TRIM65: variants seen among roughly 807,000 people sequenced by gnomAD.
The protein encoded by TRIM65 is E3 ubiquitin-protein ligase TRIM65.
Under a neutral mutation model 36.1 loss-of-function variants are expected in TRIM65, and 46 were observed. The observed-to-expected ratio is 1.27, with a 90% CI of 1.01 to 1.63. The LOEUF (loss-of-function observed/expected upper bound fraction) is 1.63. TRIM65 is among the 40% of genes most tolerant of loss of function. The pLI is 0.00. For synonymous variants in TRIM65, 346 were observed against 313.6 expected, an observed-to-expected ratio of 1.10 and a Z score of -1.09; for missense variants, 708 against 696.6, an observed-to-expected ratio of 1.02 and a Z score of -0.18.
At chr17:75,880,603 C>T (rs890474542) in exon 5 of TRIM65, 2 of 150,650 alleles carry the variant, frequency 1.3e-5, no homozygotes, top group African/African-American at 2.5e-5. Flanking sequence ...GATCCGAATA[C>T]GTCTTTTTCA....
chr17:75,883,494 C>A (rs1261443388), intron 4 of TRIM65, among the ~76,000 whole-genome samples: 2 of 148,038 alleles, frequency 1.4e-5, no homozygotes, highest in East Asian at 4.0e-4. Context: ...CTGTTTGTTT[C>A]ATTGTCTTTT....
chr17:75,885,703 G>A (rs1181512834), downstream of TRIM65, among the ~76,000 whole-genome samples: 1 of 152,174 alleles, frequency 6.6e-6, no homozygotes, highest in Non-Finnish European at 1.5e-5. Context: ...CCTGAGGATG[G>A]AGGCTGACGT....
Position 75,889,351 on chromosome 17 carries a change from G to C in TRIM65, c.*1428C>G, listed in dbSNP as rs950408733. ...TTACAAGCGTGAGCCACTGCGCCTG[G>C]CCAAAAGCAGACACCCTTGGAACCA... On this transcript the variant is annotated 3_prime_UTR_variant, in exon 6 of 6. Coordinates refer to ENST00000269383, the MANE Select transcript of TRIM65 (RefSeq NM_173547.4). The C allele has an allele frequency of 1.3e-5, 2 of 152,140 alleles. No individual in the cohort carries two copies. The highest frequency in any genetic ancestry group is 4.8e-5 in the African/African-American group (2 of 41,408). The allele number at this position is 152,140 out of a possible 1,614,324, so 9.4% of individuals were successfully genotyped here. A position where few individuals can be genotyped will look rare whatever the true frequency, so the allele number is the denominator to read the frequency against.
chr17:75,893,868 C>T (rs1335461094), intron 1 of TRIM65, among the ~76,000 whole-genome samples: 1 of 152,084 alleles, frequency 6.6e-6, no homozygotes, highest in Non-Finnish European at 1.5e-5. Context: ...CTGTCGCTCC[C>T]TTCCTCCACA....
At chr17:75,885,013 T>C (rs1436774085), downstream of TRIM65, among the ~76,000 whole-genome samples, 1 of 150,590 alleles carries the variant, frequency 6.6e-6, no homozygotes, top group Non-Finnish European at 1.5e-5. Flanking sequence ...CTTGGCTCAC[T>C]GCAACCTCTG....
rs1330540946 is a variant in TRIM65 at position 75,896,718 on chromosome 17, G to T, written c.220C>A (p.Arg74Ser). 7.1e-7 allele frequency: 1 copy of T among 1,402,398 alleles called. No individual in the cohort carries two copies. The highest frequency in any genetic ancestry group is 9.3e-7 in the Non-Finnish European group (1 of 1,079,218). The allele number at this position is 1,402,398 out of a possible 1,614,324, so 86.9% of individuals were successfully genotyped here. ...VALSGVLEVVRAGPARDPGPD... is the reference protein window; with the variant it reads ...VALSGVLEVVSAGPARDPGPD... ...CCGGGATCCCGGGCGGGCCCGGCGCGCACCACCTCCAGCACGCCGCTGAGG... is the reference window on the plus strand; with the variant it reads ...CCGGGATCCCGGGCGGGCCCGGCGCTCACCACCTCCAGCACGCCGCTGAGG... Residue 74 changes from arginine to serine, a missense_variant, in exon 1 of 6, where the codon CGC becomes AGC. Arg to Ser is a moderately radical substitution (Grantham distance 110). Transcript: ENST00000269383.
At chr17:75,883,012 G>A (rs754424763) in intron 4 of TRIM65, among the ~76,000 whole-genome samples, 6 of 148,530 alleles carry the variant, frequency 4.0e-5, no homozygotes, top group East Asian at 1.9e-4. Flanking sequence ...AAAGCAATCC[G>A]GTGATGACAG....
In TRIM65 at chr17:75,896,639, C is replaced by A; in HGVS notation, c.299G>T (p.Arg100Leu). Reference protein sequence around the residue: ...DPAARCPRHGRPLELFCRTEG... With the variant: ...DPAARCPRHGLPLELFCRTEG... ...GGTCCGGCAGAAGAGCTCCAGCGGCCGCCCGTGGCGGGGGCAGCGCGCGGC... is the reference window on the plus strand; with the variant it reads ...GGTCCGGCAGAAGAGCTCCAGCGGCAGCCCGTGGCGGGGGCAGCGCGCGGC... Residue 100 changes from arginine (R) to leucine (L), a missense_variant, in exon 1 of 6, where the codon CGG becomes CTG. Transcript: ENST00000269383. 8.0e-7 allele frequency: 1 copy of A among 1,242,416 alleles called. No homozygotes were observed. The highest frequency in any genetic ancestry group is 1.0e-6 in the Non-Finnish European group (1 of 997,080). The allele number at this position is 1,242,416 out of a possible 1,614,324, so 77.0% of individuals were successfully genotyped here.
intron 4 of TRIM65, among the ~76,000 whole-genome samples, chr17:75,880,788 AC>A (rs925221496): frequency 4.1e-5 from 6 of 147,906 alleles, no homozygotes; most frequent in African/African-American, 1.6e-4. Flanking sequence ...CCACACCCAA[AC>A]CCTTGTCCAC....
intron 4 of TRIM65, 25 bp downstream of exon 4, chr17:75,891,986 G>C (rs1156678116): frequency 6.4e-7 from 1 of 1,552,562 alleles, no homozygotes; most frequent in Non-Finnish European, 8.7e-7. Flanking sequence ...CAGGACAGCA[G>C]GGGGAGGCCT....
Position 75,896,692 on chromosome 17 carries a change from G to A in TRIM65, c.246C>T (p.Gly82=). 1.5e-6 allele frequency: 2 copies of A among 1,321,260 alleles called. No homozygotes were observed. Among genetic ancestry groups the A allele is most frequent in the Non-Finnish European group, 1.9e-6 (2 of 1,039,918 alleles). 81.8% of individuals were successfully genotyped at this position (1,321,260 alleles called of 1,614,324 possible). ...GGTCGGGGCCGGGGCCGGGATCGGG[G>A]CCGGGATCCCGGGCGGGCCCGGCGC... ...VVRAGPARDP[G]PDPGPGPDPA... The change falls in exon 1 of 6, where the codon GGC becomes GGT. Residue 82 remains glycine, a synonymous_variant. Coordinates refer to ENST00000269383, the MANE Select transcript of TRIM65 (RefSeq NM_173547.4).
At position 75,891,803 on chromosome 17, in the gene TRIM65, GCCT is replaced by G; in HGVS notation, c.985+7_985+9del. The stretch of plus-strand genomic sequence containing the variant: ...ACACAGGGGCACACATACACGAACG[GCCT>G]CCTTACTCTGCCAGAGTTTCCTCCT... On this transcript the variant is annotated splice_region_variant and intron_variant, in intron 5 of 5. Coordinates refer to ENST00000269383, the MANE Select transcript of TRIM65 (RefSeq NM_173547.4). 2 of 1,607,584 alleles carry G rather than the reference GCCT, an allele frequency of 1.2e-6. No individual in the cohort carries two copies. The highest frequency in any genetic ancestry group is 2.2e-5 in the East Asian group (1 of 44,640).
chr17:75,892,888 G>T (rs1013518434), intron 1 of TRIM65, 38 bp from the exon 2 acceptor site: 2 of 1,571,200 alleles, frequency 1.3e-6, no homozygotes, highest in Admixed American at 1.7e-5. Flanking sequence ...ACAAGAGAAG[G>T]CCAGGATTGG....
rs1266659885 is a variant in TRIM65 at position 75,881,833 on chromosome 17, G to A, written c.350-1204C>T. Among the ~76,000 whole-genome samples, 16 of 150,878 alleles carry A rather than the reference G, an allele frequency of 1.1e-4. No homozygotes were observed. The East Asian group carries it at 1.3e-3, about 13-fold the overall frequency. ...GGGGTGGGAAAAGACCTTCCGGGCA[G>A]AGGGAGTAGCAGAGGGAGCCGGCCT... is the stretch of plus-strand genomic sequence containing the variant. On this transcript the variant is annotated intron_variant, in intron 4 of 4. Transcript: ENST00000591668.
At chr17:75,892,913 C>T in intron 1 of TRIM65, 63 bp from the exon 2 acceptor site, 1 of 1,460,432 alleles carries the variant, frequency 6.8e-7, no homozygotes, top group Non-Finnish European at 9.4e-7. Flanking sequence ...GATGTCCTTT[C>T]TCAGACAACC....
rs150634668 is a variant in TRIM65, at chr17:75,892,356, G to A, written c.655C>T (p.Arg219Trp). 2.2e-5 allele frequency: 35 copies of A among 1,613,234 alleles called. No homozygotes were observed. The highest frequency in any genetic ancestry group is 3.3e-5 in the South Asian group (3 of 91,050). The change falls in exon 3 of 6, where the codon CGG (arginine) becomes TGG (tryptophan). Residue 219 changes from arginine to tryptophan, a missense_variant. Coordinates refer to ENST00000269383, the MANE Select transcript of TRIM65 (RefSeq NM_173547.4). ...ACAGCCTCCAAATGGACCCGCAGCC[G>A]CTGCTCCTCGTCTCGAGCCTGTGCC... ...ALAQARDEEQ[R>W]LRVHLEAVAR...
intron 5 of TRIM65, 49 bp downstream of exon 5, chr17:75,891,764 C>T (rs1381463398): frequency 1.3e-6 from 2 of 1,571,904 alleles, no homozygotes; most frequent in Admixed American, 1.8e-5. Flanking sequence ...ACAGGCACTT[C>T]CTTGCACACG....
rs1179882171 is a variant in TRIM65, at chr17:75,896,759, A to C, written c.179T>G (p.Leu60Arg). 1 of 1,488,318 alleles carries C rather than the reference A, an allele frequency of 6.7e-7. No homozygotes were observed. Among genetic ancestry groups the C allele is most frequent in the South Asian group, 1.3e-5 (1 of 79,458 alleles). The allele number at this position is 1,488,318 out of a possible 1,614,324, so 92.2% of individuals were successfully genotyped here. Residue 60 changes from leucine to arginine, a missense_variant, in exon 1 of 6, where the codon CTG (leucine) becomes CGG (arginine). Physicochemically the swap from Leu to Arg is moderately radical, Grantham distance 102. Transcript: ENST00000269383. The part of the protein sequence containing the change: ...CREPFPDGAE[L>R]RRNVALSGVL... ...GCCGCTGAGGGCCACGTTGCGGCGC[A>C]GCTCGGCGCCGTCGGGAAAGGGCTC...
rs2065239961 is a variant in TRIM65 at position 75,889,618 on chromosome 17, T to G, written c.*1161A>C. The G allele has an allele frequency of 6.6e-6, 1 of 152,154 alleles. No individual in the cohort carries two copies. The highest frequency in any genetic ancestry group is 1.5e-5 in the Non-Finnish European group (1 of 68,044). 9.4% of individuals were successfully genotyped at this position (152,154 alleles called of 1,614,324 possible). ...ATGCTGGAGATGAAGGTCCTGCCAG[T>G]GTCACGTGCTGCTTAGTGACAGGGT... On this transcript the variant is annotated 3_prime_UTR_variant, in exon 6 of 6. Transcript: ENST00000269383.
Sources: gnomAD v4.1 joint callset for allele counts (sites outside exome capture counted in the v4.1 genomes callset) on GRCh38, gnomAD v4.1.1 for gene constraint, MANE v1.5 for transcripts, NCBI Gene and HGNC (gene_info 2026-07-23, HGNC 2026-07-21) for gene names.